FBXO16: variants seen among roughly 807,000 people sequenced by gnomAD.
The protein encoded by FBXO16 is F-box only protein 16.
FBXO16 carries 31 observed loss-of-function variants against 41.0 expected under a neutral mutation model. The ratio of observed to expected loss-of-function variants is 0.76; its 90% CI spans 0.57 to 1.02. The LOEUF (loss-of-function observed/expected upper bound fraction) is 1.02. Ranked by LOEUF, FBXO16 falls within the 50% of genes least tolerant of loss-of-function variation. FBXO16 has a pLI of 0.00. For missense variants in FBXO16, 361 were observed against 346.2 expected (o/e 1.04, Z -0.34); for synonymous variants, 133 against 117.8 (o/e 1.13, Z -0.84).
chr8:28,459,243 T>C (rs1348441595), intron 4 of FBXO16, among the ~76,000 whole-genome samples: 1 of 152,198 alleles, frequency 6.6e-6, no homozygotes, highest in Non-Finnish European at 1.5e-5. Context: ...GGAAACTCTA[T>C]ATATAACTTA....
intron 7 of FBXO16, among the ~76,000 whole-genome samples, chr8:28,444,541 G>A (rs1189063689): frequency 4.1e-5 from 6 of 148,018 alleles, no homozygotes; most frequent in East Asian, 2.0e-4. Context: ...GTGCAGTGGC[G>A]TGATCTTGGC....
chr8:28,435,250 A>G (rs1244045811), intron 7 of FBXO16, among the ~76,000 whole-genome samples: 1 of 150,866 alleles, frequency 6.6e-6, no homozygotes, highest in Non-Finnish European at 1.5e-5. Context: ...GGCTCACTGC[A>G]ACCTCTGCCT....
At chr8:28,429,893 A>G (rs1432777231) in intron 7 of FBXO16, among the ~76,000 whole-genome samples, 5 of 152,146 alleles carry the variant, frequency 3.3e-5, no homozygotes, top group African/African-American at 1.2e-4. Flanking sequence ...GCCTTCCTGC[A>G]AGAAGCTTGC....
chr8:28,433,477 A>G (rs1316450494), intron 7 of FBXO16, among the ~76,000 whole-genome samples: 2 of 152,086 alleles, frequency 1.3e-5, no homozygotes, highest in Admixed American at 6.5e-5. Flanking sequence ...CTCCAACCTG[A>G]TATTTCCTGC....
intron 7 of FBXO16, among the ~76,000 whole-genome samples, chr8:28,436,625 G>C (rs1212666633): frequency 6.6e-6 from 1 of 152,146 alleles, no homozygotes; most frequent in South Asian, 2.1e-4. Context: ...AGGCCATAAG[G>C]TCTGAGTGAA....
In FBXO16 at chr8:28,487,518, C is replaced by T. The variant is rs578077949; in HGVS notation, c.-17+2668G>A. 7.3e-5 allele frequency among the ~76,000 whole-genome samples: 11 copies of T among 151,500 alleles called. No homozygotes were observed. The South Asian group carries it at 1.9e-3, about 26-fold the overall frequency. On this transcript the variant is annotated intron_variant, in intron 1 of 8. Coordinates refer to ENST00000380254, the MANE Select transcript of FBXO16 (RefSeq NM_172366.4). Reference sequence around the variant, plus strand: ...AAGAGATTCTGCTACCTCAGGCTCCCGAGTAGCTGGGATTACAGGCATGCA... The same window carrying T: ...AAGAGATTCTGCTACCTCAGGCTCCTGAGTAGCTGGGATTACAGGCATGCA...
chr8:28,465,458 A>T (rs1285256161), intron 3 of FBXO16: 1 of 450,640 alleles, frequency 2.2e-6, no homozygotes, highest in Admixed American at 2.4e-5. Context: ...GCACAAAAAA[A>T]TAAAAAGTTA....
intron 6 of FBXO16, among the ~76,000 whole-genome samples, chr8:28,447,773 G>C (rs1205054108): frequency 5.3e-5 from 8 of 152,138 alleles, no homozygotes; most frequent in Admixed American, 5.2e-4. Flanking sequence ...GGCCAACATG[G>C]TGAAACCCCA....
At chr8:28,440,894 T>C (rs1374389641) in intron 7 of FBXO16, among the ~76,000 whole-genome samples, 3 of 152,216 alleles carry the variant, frequency 2.0e-5, no homozygotes, top group African/African-American at 7.2e-5. Flanking sequence ...GTGTTTATAC[T>C]TGATAAAGGA....
rs1174207472 is a variant in FBXO16, at chr8:28,460,047, T to C, written c.343-3117A>G. 2.6e-5 allele frequency among the ~76,000 whole-genome samples: 4 copies of C among 151,302 alleles called. No individual in the cohort carries two copies. The East Asian group carries it at 7.8e-4, about 29-fold the overall frequency. On this transcript the variant is annotated intron_variant, in intron 4 of 8. Coordinates refer to ENST00000380254, the MANE Select transcript of FBXO16 (RefSeq NM_172366.4). Reference sequence around the variant, plus strand: ...TCTCAAAAAACAAACAAACAAAAAATCATTTTTGGAATAGGTATGTGCATA... The same window carrying C: ...TCTCAAAAAACAAACAAACAAAAAACCATTTTTGGAATAGGTATGTGCATA...
intron 7 of FBXO16, among the ~76,000 whole-genome samples, chr8:28,430,421 G>A (rs992462379): frequency 7.2e-5 from 11 of 152,162 alleles, no homozygotes; most frequent in African/African-American, 2.4e-4. Flanking sequence ...TCTGCCTATA[G>A]TAGGTGCAGA....
At chr8:28,461,278 G>C (rs780381750) in intron 4 of FBXO16, among the ~76,000 whole-genome samples, 4 of 152,068 alleles carry the variant, frequency 2.6e-5, no homozygotes, top group Non-Finnish European at 5.9e-5. Context: ...TGGAACTGCT[G>C]GGGCAAAGGG....
chr8:28,463,385 TG>T (rs1803174929), intron 4 of FBXO16, among the ~76,000 whole-genome samples: 1 of 139,828 alleles, frequency 7.2e-6, no homozygotes, highest in Admixed American at 7.8e-5. Context: ...TGTGTTTGTG[TG>T]TTTGTGTTTG....
chr8:28,435,535 T>C (rs1487479182), intron 7 of FBXO16, among the ~76,000 whole-genome samples: 1 of 151,750 alleles, frequency 6.6e-6, no homozygotes, highest in African/African-American at 2.4e-5. Context: ...TGCAGAGGGG[T>C]AAGGAAATGC....
intron 7 of FBXO16, among the ~76,000 whole-genome samples, chr8:28,438,743 T>C (rs1360405651): frequency 6.6e-6 from 1 of 152,200 alleles, no homozygotes; most frequent in Non-Finnish European, 1.5e-5. Context: ...ATCACCAGAC[T>C]ACTAAAATAG....
Position 28,463,702 on chromosome 8 carries a change from T to C in FBXO16, c.252A>G (p.Glu84=). 1.2e-6 allele frequency: 2 copies of C among 1,614,246 alleles called. No individual in the cohort carries two copies. The highest frequency in any genetic ancestry group is 1.7e-6 in the Non-Finnish European group (2 of 1,180,042). ...CRKLQEKIPA[E]ALDFTTKLPR... Reference sequence around the variant, plus strand: ...GAAGCTTGGTTGTAAAGTCCAGGGCTTCTGCTGGAATTTTCTCTTGAAGCT... The same window carrying C: ...GAAGCTTGGTTGTAAAGTCCAGGGCCTCTGCTGGAATTTTCTCTTGAAGCT... Residue 84 remains glutamate, a synonymous_variant, in exon 4 of 9, where the codon GAA becomes GAG. Transcript: ENST00000380254.
At chr8:28,459,081 T>G (rs1803083015) in intron 4 of FBXO16, among the ~76,000 whole-genome samples, 1 of 152,210 alleles carries the variant, frequency 6.6e-6, no homozygotes, top group South Asian at 2.1e-4. Context: ...CAAATAACAT[T>G]TCCCTCTAAT....
intron 7 of FBXO16, among the ~76,000 whole-genome samples, chr8:28,441,117 G>A (rs1049492232): frequency 3.3e-5 from 5 of 152,058 alleles, no homozygotes; most frequent in African/African-American, 4.8e-5. Context: ...TCCCAGTAAC[G>A]GCAAACAGGT....
intron 2 of FBXO16, 33 bp downstream of exon 2, chr8:28,483,315 G>T (rs1190343154): frequency 6.5e-7 from 1 of 1,538,540 alleles, no homozygotes; most frequent in Non-Finnish European, 8.8e-7. Flanking sequence ...TTCAGTCATG[G>T]ATTCAATTGT....
Sources: allele counts gnomAD v4.1 joint callset (sites outside exome capture counted in the v4.1 genomes callset), GRCh38; gene constraint gnomAD v4.1.1; transcripts MANE v1.5; gene names NCBI Gene and HGNC (gene_info 2026-07-23, HGNC 2026-07-21).